WWOX: variants seen among roughly 807,000 people sequenced by gnomAD.
WWOX encodes WW domain-containing oxidoreductase.
In WWOX, 69 loss-of-function variants were observed where a neutral mutation model predicts 46.2. The observed-to-expected ratio is 1.49, with a 90% confidence interval of 1.23 to 1.82. WWOX has a LOEUF of 1.82. Ranked by LOEUF, WWOX falls within the 40% of genes most tolerant of loss-of-function variation. The pLI is 0.00. For missense variants in WWOX, 919 were observed against 542.6 expected (o/e 1.69, Z -6.89); for synonymous variants, 359 against 202.6 (o/e 1.77, Z -6.56).
At chr16:78,254,770 C>G (rs895542518) in intron 5 of WWOX, among the ~76,000 whole-genome samples, 3 of 152,138 alleles carry the variant, frequency 2.0e-5, no homozygotes, top group Admixed American at 2.0e-4. Flanking sequence ...TTCAAGCGAT[C>G]TGCCTGCCTC....
At chr16:78,865,542 C>T (rs1021228166) in intron 8 of WWOX, among the ~76,000 whole-genome samples, 2 of 152,092 alleles carry the variant, frequency 1.3e-5, no homozygotes, top group Admixed American at 1.3e-4. Context: ...CCTTAGATTG[C>T]TGTGAGAATG....
chr16:78,610,576 G>C (rs903053166), intron 8 of WWOX, among the ~76,000 whole-genome samples: 1 of 152,154 alleles, frequency 6.6e-6, no homozygotes, highest in African/African-American at 2.4e-5. Context: ...AAATTGCTCA[G>C]TGCATTTATT....
chr16:79,205,625 A>G (rs1323148187), intron 8 of WWOX: 1 of 152,218 alleles, frequency 6.6e-6, no homozygotes, highest in South Asian at 2.1e-4. Flanking sequence ...TTCCTCTTCT[A>G]TAATAAAGGT....
At chr16:78,337,363 G>A (rs1366539308) in intron 5 of WWOX, among the ~76,000 whole-genome samples, 3 of 152,166 alleles carry the variant, frequency 2.0e-5, no homozygotes, top group Non-Finnish European at 4.4e-5. Flanking sequence ...TCGCAATTGA[G>A]CATATAGTAC....
chr16:78,997,522 C>G (rs1276188364), intron 8 of WWOX, among the ~76,000 whole-genome samples: 1 of 152,110 alleles, frequency 6.6e-6, no homozygotes, highest in Non-Finnish European at 1.5e-5. Context: ...TTTCATTGCC[C>G]TTTGCTCTTT....
At chr16:78,460,168 C>T (rs1357382839) in intron 8 of WWOX, among the ~76,000 whole-genome samples, 1 of 150,968 alleles carries the variant, frequency 6.6e-6, no homozygotes, top group African/African-American at 2.4e-5. Flanking sequence ...CGCTCTTTTC[C>T]CCAGGCTGGA....
chr16:78,900,449 G>A (rs2044802617), intron 8 of WWOX, among the ~76,000 whole-genome samples: 1 of 152,116 alleles, frequency 6.6e-6, no homozygotes, highest in African/African-American at 2.4e-5. Flanking sequence ...CTTTCTGTTA[G>A]GAAAGTGATT....
chr16:78,815,690 C>G (rs1241908215), intron 8 of WWOX, among the ~76,000 whole-genome samples: 3 of 152,188 alleles, frequency 2.0e-5, no homozygotes, highest in Non-Finnish European at 2.9e-5. Context: ...TCCTTCCCTT[C>G]CTGTTCTTTT....
chr16:79,128,115 G>A lies in WWOX; in HGVS notation c.1057-83493G>A, dbSNP rs116026953. Among the ~76,000 whole-genome samples the A allele has an allele frequency of 4.1e-3, 623 of 152,270 alleles. 7 individuals are homozygous for A. The highest frequency in any genetic ancestry group is 0.014 in the African/African-American group (592 of 41,550). ...CACCACCCACTGATGTTATTATCCA[G>A]TAAGGACCAGGAGAGAAGAAGAGAT... On this transcript the variant is annotated intron_variant, in intron 8 of 8. Transcript: ENST00000566780.
At chr16:79,169,038 T>G (rs1236929282) in intron 8 of WWOX, among the ~76,000 whole-genome samples, 1 of 152,198 alleles carries the variant, frequency 6.6e-6, no homozygotes, top group Non-Finnish European at 1.5e-5. Flanking sequence ...GGAGAATCTA[T>G]TAGATACAAA....
At chr16:78,557,606 G>A (rs371864797) in intron 8 of WWOX, among the ~76,000 whole-genome samples, 5 of 151,450 alleles carry the variant, frequency 3.3e-5, no homozygotes, top group East Asian at 1.9e-4. Flanking sequence ...CTCTATCACA[G>A]CCTTTGCTAA....
intron 8 of WWOX, among the ~76,000 whole-genome samples, chr16:78,836,701 G>A (rs141501665): frequency 7.9e-4 from 120 of 152,270 alleles, no homozygotes; most frequent in African/African-American, 2.4e-3. Flanking sequence ...TACTGTAGCA[G>A]CTCACTTAAT....
chr16:78,623,348 T>G (rs758155683), intron 8 of WWOX, among the ~76,000 whole-genome samples: 11 of 152,148 alleles, frequency 7.2e-5, no homozygotes, highest in African/African-American at 1.7e-4. Context: ...TCACCAGGTT[T>G]CAGAGGAGAG....
intron 8 of WWOX, among the ~76,000 whole-genome samples, chr16:79,127,916 G>A (rs956784812): frequency 1.6e-4 from 25 of 152,286 alleles, no homozygotes; most frequent in South Asian, 1.0e-3. Context: ...ATTCAGGGCA[G>A]GAAATCAGTA....
intron 8 of WWOX, chr16:79,101,456 A>G (rs2049191245): frequency 2.0e-5 from 3 of 152,168 alleles, no homozygotes; most frequent in Admixed American, 2.0e-4. Flanking sequence ...CTTGATGACA[A>G]AGATCATTTG....
chr16:78,477,912 T>A (rs975893488), intron 8 of WWOX, among the ~76,000 whole-genome samples: 1 of 152,222 alleles, frequency 6.6e-6, no homozygotes, highest in Non-Finnish European at 1.5e-5. Flanking sequence ...GAAAAAGATA[T>A]TCTGGTTATG....
At chr16:79,049,880 G>T (rs1007948049) in intron 8 of WWOX, among the ~76,000 whole-genome samples, 1 of 151,364 alleles carries the variant, frequency 6.6e-6, no homozygotes, top group Non-Finnish European at 1.5e-5. Context: ...AATATGAAGA[G>T]TGAGCAGTAC....
At chr16:78,948,295 G>T (rs1410522650) in intron 8 of WWOX, among the ~76,000 whole-genome samples, 2 of 152,300 alleles carry the variant, frequency 1.3e-5, no homozygotes, top group South Asian at 2.1e-4. Context: ...TGGGACCCCT[G>T]TTGCTGTCTC....
At chr16:78,720,421 T>A (rs938450445) in intron 8 of WWOX, among the ~76,000 whole-genome samples, 1 of 151,580 alleles carries the variant, frequency 6.6e-6, no homozygotes, top group Non-Finnish European at 1.5e-5. Flanking sequence ...TAAAAACTTA[T>A]ACATCATTTT....
Sources: gnomAD v4.1 joint callset for allele counts (sites outside exome capture counted in the v4.1 genomes callset) on GRCh38, gnomAD v4.1.1 for gene constraint, MANE v1.5 for transcripts, NCBI Gene and HGNC (gene_info 2026-07-23, HGNC 2026-07-21) for gene names.